Variants in SGCG observed in about 807,000 individuals in gnomAD.
SGCG encodes the protein sarcoglycan gamma.
SGCG carries 26 observed loss-of-function variants against 29.3 expected under a neutral mutation model. The observed-to-expected ratio is 0.89, with a 90% CI of 0.65 to 1.23. The LOEUF (loss-of-function observed/expected upper bound fraction) is 1.23, where lower values mean the gene tolerates loss of function less well. Ranked by LOEUF, SGCG falls within the 50% of genes most tolerant of loss-of-function variation. SGCG has a pLI of 0.00. For missense variants in SGCG, 353 were observed against 356.0 expected, an observed-to-expected ratio of 0.99 and a Z score of 0.07; for synonymous variants, 145 against 129.7, an observed-to-expected ratio of 1.12 and a Z score of -0.80.
intron 1 of SGCG, among the ~76,000 whole-genome samples, chr13:23,195,611 C>A (rs545959056): frequency 1.8e-4 from 27 of 151,432 alleles, no homozygotes; most frequent in Non-Finnish European, 3.4e-4. Context: ...GCAGAGTTTG[C>A]CATTTTATTT....
chr13:23,269,865 G>GTTTTTTTTTTTTTTTTT (rs759448810), intron 4 of SGCG, among the ~76,000 whole-genome samples: 1 of 101,240 alleles, frequency 9.9e-6, no homozygotes, highest in Non-Finnish European at 2.3e-5. Flanking sequence ...GCTTTTTTTT[G>GTTTTTTTTTTTTTTTTT]TTTTTTTTGT....
chr13:23,251,845 T>TGACACC (rs1879981461), intron 4 of SGCG, among the ~76,000 whole-genome samples: 1 of 152,176 alleles, frequency 6.6e-6, no homozygotes, highest in African/African-American at 2.4e-5. Flanking sequence ...TATCAGAAAA[T>TGACACC]AAATGAGAGG....
chr13:23,252,632 A>C (rs547005275), intron 4 of SGCG, among the ~76,000 whole-genome samples: 58 of 152,292 alleles, frequency 3.8e-4, no homozygotes, highest in African/African-American at 1.3e-3. Context: ...CGGAGCTTGC[A>C]GTGAGCCAAG....
chr13:23,315,054 G>C (rs1035051581), intron 6 of SGCG, among the ~76,000 whole-genome samples: 4 of 152,246 alleles, frequency 2.6e-5, no homozygotes, highest in Admixed American at 6.5e-5. Flanking sequence ...AATGGTGCTT[G>C]AGGTGTCAGT....
chr13:23,218,688 A>G (rs1252168377), intron 2 of SGCG, among the ~76,000 whole-genome samples: 1 of 151,986 alleles, frequency 6.6e-6, no homozygotes, highest in Non-Finnish European at 1.5e-5. Flanking sequence ...GAGATTGGAC[A>G]TGCCATACTT....
chr13:23,209,329 A>C lies in SGCG; in HGVS notation c.195+5440A>C, dbSNP rs138071205. Among the ~76,000 whole-genome samples the C allele has an allele frequency of 1.4e-3, 213 of 152,316 alleles. 2 individuals carry two copies. Among genetic ancestry groups the C allele is most frequent in the African/African-American group, 4.9e-3 (204 of 41,576 alleles). Reference sequence around the variant, plus strand: ...GGAAACTAGCAATTAGGAATTCTCCATTAAGGACTTTCCCATTAAGAATCT... The same window carrying C: ...GGAAACTAGCAATTAGGAATTCTCCCTTAAGGACTTTCCCATTAAGAATCT... On this transcript the variant is annotated intron_variant, in intron 2 of 7. Coordinates refer to ENST00000218867, the MANE Select transcript of SGCG (RefSeq NM_000231.3).
intron 2 of SGCG, among the ~76,000 whole-genome samples, chr13:23,205,452 C>G (rs1877949304): frequency 6.6e-6 from 1 of 152,058 alleles, no homozygotes; most frequent in Admixed American, 6.5e-5. Flanking sequence ...GGGTAGGAGG[C>G]CCATGGAAGG....
chr13:23,219,585 CAT>C (rs1878574882), intron 2 of SGCG, among the ~76,000 whole-genome samples: 2 of 151,968 alleles, frequency 1.3e-5, no homozygotes, highest in Non-Finnish European at 2.9e-5. Flanking sequence ...ATAGTAATAA[CAT>C]ATTGTATATT....
chr13:23,180,680 A>G (rs1318757011), upstream of SGCG, among the ~76,000 whole-genome samples: 1 of 152,244 alleles, frequency 6.6e-6, no homozygotes, highest in Non-Finnish European at 1.5e-5. Flanking sequence ...TTTTTTTAAG[A>G]AAGTTATAAT....
chr13:23,188,992 G>T (rs926496477), intron 1 of SGCG, among the ~76,000 whole-genome samples: 1 of 152,150 alleles, frequency 6.6e-6, no homozygotes, highest in Non-Finnish European at 1.5e-5. Flanking sequence ...AATTAAATGG[G>T]AATATGGTGG....
intron 1 of SGCG, among the ~76,000 whole-genome samples, chr13:23,192,152 G>A (rs1288612772): frequency 6.8e-6 from 1 of 146,976 alleles, no homozygotes; most frequent in African/African-American, 2.5e-5. Context: ...TCCAGCCTGG[G>A]CGACAGAGTG....
At chr13:23,230,127 G>A (rs1355226610) in intron 2 of SGCG, among the ~76,000 whole-genome samples, 1 of 152,080 alleles carries the variant, frequency 6.6e-6, no homozygotes, top group African/African-American at 2.4e-5. Flanking sequence ...TCTCTATTCT[G>A]TTCTTTTGGT....
At position 23,234,680 on chromosome 13, in the gene SGCG, C is replaced by T; in HGVS notation, c.265C>T (p.Pro89Ser). ...GGAAGGGGAATCAGAATTTTTATTC[C>T]CATTGTATGCCAAAGAAATACACTC... is the stretch of plus-strand genomic sequence containing the variant. The part of the protein sequence containing the change: ...RLEGESEFLF[P>S]LYAKEIHSRV... The change falls in exon 3 of 8, where the codon CCA becomes TCA. Residue 89 changes from proline to serine, a missense_variant. Physicochemically the swap from Pro to Ser is moderately conservative, Grantham distance 74. Coordinates refer to ENST00000218867, the MANE Select transcript of SGCG (RefSeq NM_000231.3). 4.4e-6 allele frequency: 7 copies of T among 1,608,202 alleles called. No individual in the cohort carries two copies. The highest frequency in any genetic ancestry group is 6.0e-6 in the Non-Finnish European group (7 of 1,175,564).
At chr13:23,276,814 A>G (rs1352932820) in intron 4 of SGCG, among the ~76,000 whole-genome samples, 1 of 152,208 alleles carries the variant, frequency 6.6e-6, no homozygotes, top group African/African-American at 2.4e-5. Context: ...TGGATGGACC[A>G]TGGATTCCTA....
chr13:23,202,015 A>G (rs1187690999), intron 1 of SGCG, among the ~76,000 whole-genome samples: 1 of 152,240 alleles, frequency 6.6e-6, no homozygotes, highest in African/African-American at 2.4e-5. Context: ...GTGTGCTGCT[A>G]CTGAAAGATG....
intron 4 of SGCG, among the ~76,000 whole-genome samples, chr13:23,252,287 T>A (rs1444531530): frequency 6.6e-6 from 1 of 152,210 alleles, no homozygotes; most frequent in African/African-American, 2.4e-5. Context: ...CAACAAATAT[T>A]TGTTGAATGA....
chr13:23,203,641 CT>C, intron 1 of SGCG, 53 bp from the exon 2 acceptor site: 2 of 1,381,964 alleles, frequency 1.4e-6, no homozygotes, highest in Non-Finnish European at 2.0e-6. Context: ...AGTTGCCTCC[CT>C]CATTCCCTCT....
chr13:23,198,574 C>T (rs919663863), intron 1 of SGCG, among the ~76,000 whole-genome samples: 11 of 152,076 alleles, frequency 7.2e-5, no homozygotes, highest in East Asian at 1.9e-4. Context: ...TGGCCGGGCG[C>T]GGTGGCTCAT....
At chr13:23,228,084 G>A (rs1878970763) in intron 2 of SGCG, among the ~76,000 whole-genome samples, 1 of 152,054 alleles carries the variant, frequency 6.6e-6, no homozygotes, top group Admixed American at 6.6e-5. Flanking sequence ...ATGAGCCACA[G>A]CACCCGGCCA....
Sources: allele counts gnomAD v4.1 joint callset (sites outside exome capture counted in the v4.1 genomes callset), GRCh38; gene constraint gnomAD v4.1.1; transcripts MANE v1.5; gene names NCBI Gene and HGNC (gene_info 2026-07-23, HGNC 2026-07-21).